ZNF33A: variants seen among roughly 807,000 people sequenced by gnomAD.
ZNF33A encodes brain my041 protein.
ZNF33A carries 9 observed loss-of-function variants against 15.9 expected under a neutral mutation model. The ratio of observed to expected loss-of-function variants is 0.57; its 90% CI spans 0.34 to 0.99. ZNF33A has a LOEUF of 0.99. ZNF33A is among the 50% of genes least tolerant of loss of function. The probability of loss-of-function intolerance (pLI) is 0.02; values close to 1 mark genes in which losing one functional copy is unlikely to be tolerated. For synonymous variants in ZNF33A, 294 were observed against 324.2 expected, an observed-to-expected ratio of 0.91 and a Z score of 1.00; for missense variants, 843 against 941.6, an observed-to-expected ratio of 0.90 and a Z score of 1.37.
chr10:38,041,549 T>C (rs1425674796), intron 4 of ZNF33A, among the ~76,000 whole-genome samples: 1 of 151,934 alleles, frequency 6.6e-6, no homozygotes, highest in African/African-American at 2.4e-5. Flanking sequence ...ATATTACATA[T>C]ATATTTAAAA....
rs140379518 is a variant in ZNF33A, at chr10:38,048,706, C to G, written c.251-5669C>G. ...AGATTTTTTTCATATCGATAGAGAT[C>G]CATTCATCGAGAGGATTTAACAATC... On this transcript the variant is annotated intron_variant, in intron 4 of 4. Transcript: ENST00000432900. Among the ~76,000 whole-genome samples, 132 of 152,072 alleles carry G rather than the reference C, an allele frequency of 8.7e-4. 1 individual carries two copies. In the Middle Eastern group the frequency reaches 0.024, roughly 27 times the overall value.
intron 4 of ZNF33A, 128 bp downstream of exon 4, chr10:38,017,514 G>A (rs918682679): frequency 1.6e-6 from 1 of 624,394 alleles, no homozygotes; most frequent in Non-Finnish European, 2.8e-6. Context: ...CTCTGGAAGT[G>A]ATGGAGAATA....
chr10:38,055,858 G>A lies in ZNF33A; in HGVS notation c.1734G>A (p.Glu578=). ...LSQHYRTHTG[E]KPYECHECGK... Reference sequence around the variant, plus strand: ...AACATTATAGAACACACACAGGGGAGAAACCCTACGAATGTCATGAATGTG... The same window carrying A: ...AACATTATAGAACACACACAGGGGAAAAACCCTACGAATGTCATGAATGTG... The change falls in exon 5 of 5, where the codon GAG becomes GAA. Residue 578 remains glutamate (E), a synonymous_variant. Coordinates refer to ENST00000432900, the MANE Select transcript of ZNF33A (RefSeq NM_006954.2). The A allele has an allele frequency of 6.2e-7, 1 of 1,614,024 alleles. No individual in the cohort carries two copies. Among genetic ancestry groups the A allele is most frequent in the Non-Finnish European group, 8.5e-7 (1 of 1,179,970 alleles).
chr10:38,023,042 T>TC (rs2064823104), intron 4 of ZNF33A, among the ~76,000 whole-genome samples: 1 of 152,002 alleles, frequency 6.6e-6, no homozygotes, highest in Admixed American at 6.6e-5. Context: ...GCCTCCCGGG[T>TC]TCAGATGATT....
At chr10:38,033,617 T>A (rs1317843699) in intron 4 of ZNF33A, among the ~76,000 whole-genome samples, 1 of 152,200 alleles carries the variant, frequency 6.6e-6, no homozygotes, top group Non-Finnish European at 1.5e-5. Context: ...ACATTTTTTA[T>A]TAATATTAAT....
intron 4 of ZNF33A, among the ~76,000 whole-genome samples, chr10:38,031,551 CAG>C (rs747514117): frequency 1.6e-4 from 19 of 121,552 alleles, no homozygotes; most frequent in Non-Finnish European, 2.5e-4. Flanking sequence ...GCCTGGGTGA[CAG>C]AGTGAGACCT....
intron 4 of ZNF33A, among the ~76,000 whole-genome samples, chr10:38,018,967 T>A (rs1484752312): frequency 6.6e-6 from 1 of 151,900 alleles, no homozygotes; most frequent in Admixed American, 6.6e-5. Context: ...TTTGAGCTTG[T>A]GATAATTTTA....
At position 38,054,498 on chromosome 10, in the gene ZNF33A, C is replaced by T. The variant is rs140054083; in HGVS notation, c.374C>T (p.Pro125Leu). 1.2e-5 allele frequency: 19 copies of T among 1,612,690 alleles called. No homozygotes were observed. The African/African-American group carries it at 2.1e-4, about 18-fold the overall frequency. ...GAACAAGGTGATGTAATAGGAATACCATTTAATGTGGATGTAAGTTCTTTT... is the reference window on the plus strand; with the variant it reads ...GAACAAGGTGATGTAATAGGAATACTATTTAATGTGGATGTAAGTTCTTTT... ...TKEQGDVIGI[P>L]FNVDVSSFPS... Residue 125 changes from proline (P) to leucine (L), a missense_variant, in exon 5 of 5, where the codon CCA (proline) becomes CTA (leucine). Pro to Leu is a moderately conservative substitution (Grantham distance 98). Transcript: ENST00000432900.
At chr10:38,031,534 G>A (rs1267831684) in intron 4 of ZNF33A, among the ~76,000 whole-genome samples, 2 of 142,174 alleles carry the variant, frequency 1.4e-5, no homozygotes, top group Non-Finnish European at 3.0e-5. Context: ...GGCACCATTC[G>A]ACTCCAGCCT....
At chr10:38,063,729 A>C (rs766400138), downstream of ZNF33A, among the ~76,000 whole-genome samples, 22 of 152,212 alleles carry the variant, frequency 1.4e-4, no homozygotes, top group Non-Finnish European at 3.2e-4. Context: ...AAGATGAAAT[A>C]TAGCACCCCT....
intron 4 of ZNF33A, among the ~76,000 whole-genome samples, chr10:38,029,486 T>G (rs1244068171): frequency 6.6e-6 from 1 of 152,210 alleles, no homozygotes; most frequent in Non-Finnish European, 1.5e-5. Context: ...GAAGTCGCCT[T>G]TTTCCTGATT....
chr10:38,063,164 A>ACAAG (rs1272197425), downstream of ZNF33A, among the ~76,000 whole-genome samples: 4 of 152,208 alleles, frequency 2.6e-5, no homozygotes, highest in Non-Finnish European at 2.9e-5. Flanking sequence ...CTTTGCAGAT[A>ACAAG]CAAGCTATGA....
chr10:38,041,499 T>C (rs1215648522), intron 4 of ZNF33A, among the ~76,000 whole-genome samples: 1 of 152,002 alleles, frequency 6.6e-6, no homozygotes, highest in African/African-American at 2.4e-5. Context: ...ATTACTTATA[T>C]GTATCTCTAT....
chr10:38,016,262 C>A (rs772427732), intron 2 of ZNF33A, among the ~76,000 whole-genome samples: 2 of 152,132 alleles, frequency 1.3e-5, no homozygotes, highest in Non-Finnish European at 2.9e-5. Flanking sequence ...CTGTAGTTCT[C>A]AGTAATATTC....
intron 4 of ZNF33A, among the ~76,000 whole-genome samples, chr10:38,049,310 T>C (rs549559297): frequency 6.6e-6 from 1 of 152,232 alleles, no homozygotes; most frequent in South Asian, 2.1e-4. Flanking sequence ...TAATACTCAT[T>C]GATTTCATTG....
chr10:38,064,442 C>G (rs1322516855), downstream of ZNF33A: 1 of 326,644 alleles, frequency 3.1e-6, no homozygotes, highest in Non-Finnish European at 5.5e-6. Flanking sequence ...CCAGCTCAGC[C>G]TCAGGTGTCT....
At chr10:38,062,604 A>G (rs1296958477), downstream of ZNF33A, among the ~76,000 whole-genome samples, 3 of 152,172 alleles carry the variant, frequency 2.0e-5, no homozygotes, top group Non-Finnish European at 4.4e-5. Context: ...CCCAGTTAAT[A>G]GAATCAATCT....
downstream of ZNF33A, among the ~76,000 whole-genome samples, chr10:38,061,240 CT>C (rs753809472): frequency 6.6e-5 from 10 of 152,106 alleles, no homozygotes; most frequent in Non-Finnish European, 1.2e-4. Flanking sequence ...CTCCAGTTGC[CT>C]AACAAGGCAT....
rs2066583459 is a variant in ZNF33A at position 38,058,638 on chromosome 10, G to T, written c.*2078G>T. On this transcript the variant is annotated 3_prime_UTR_variant, in exon 5 of 5. Coordinates refer to ENST00000432900, the MANE Select transcript of ZNF33A (RefSeq NM_006954.2). ...TACAAAAAATTAGCTGGGCATGGTG[G>T]CATGCGTGTGTAGTCGAAGCTACTC... The T allele has an allele frequency of 6.6e-6, 1 of 152,206 alleles. No homozygotes were observed. The highest frequency in any genetic ancestry group is 1.5e-5 in the Non-Finnish European group (1 of 68,078). The allele number at this position is 152,206 out of a possible 1,614,324, so 9.4% of individuals were successfully genotyped here. A position where few individuals can be genotyped will look rare whatever the true frequency, so the allele number is the denominator to read the frequency against.
Sources: gnomAD v4.1 joint callset for allele counts (sites outside exome capture counted in the v4.1 genomes callset) on GRCh38, gnomAD v4.1.1 for gene constraint, MANE v1.5 for transcripts, NCBI Gene and HGNC (gene_info 2026-07-23, HGNC 2026-07-21) for gene names.